TIAM1: variants seen among roughly 807,000 people sequenced by gnomAD.
TIAM1 encodes the protein TIAM Rac1 associated GEF 1.
A neutral mutation model predicts 163.5 loss-of-function variants in TIAM1; 65 were observed. That is an observed-to-expected ratio of 0.40 (90% confidence interval 0.33 to 0.49). TIAM1 has a LOEUF of 0.49. Ranked by LOEUF, TIAM1 falls within the 20% of genes least tolerant of loss-of-function variation. TIAM1 has a pLI of 0.77. For synonymous variants in TIAM1, 833 were observed against 810.1 expected (o/e 1.03, Z -0.48); for missense variants, 1,789 against 2,044.7 (o/e 0.87, Z 2.41).
chr21:31,130,434 T>C (rs578011647), intron 24 of TIAM1, 119 bp from the exon 25 acceptor site: 1 of 742,016 alleles, frequency 1.3e-6, no homozygotes, highest in East Asian at 2.5e-5. Context: ...GCCCAAAGGA[T>C]CTTCACCCCC....
intron 1 of TIAM1, among the ~76,000 whole-genome samples, chr21:31,490,067 G>A (rs983373649): frequency 7.9e-5 from 12 of 152,166 alleles, no homozygotes; most frequent in Non-Finnish European, 1.6e-4. Flanking sequence ...ACTTGTACAT[G>A]TGTTACTGTT....
chr21:31,182,822 AAGGTTCT>A (rs375772472), intron 14 of TIAM1, among the ~76,000 whole-genome samples, 177 bp from the exon 15 acceptor site: 22 of 152,276 alleles, frequency 1.4e-4, no homozygotes, highest in African/African-American at 4.6e-4. Context: ...TCAGGTTCTG[AAGGTTCT>A]AGATTTGCAG....
intron 2 of TIAM1, among the ~76,000 whole-genome samples, chr21:31,355,607 A>G (rs1020184450): frequency 1.6e-4 from 24 of 151,776 alleles, no homozygotes; most frequent in Admixed American, 1.4e-3. Flanking sequence ...GCTGGAGTGC[A>G]GTGATGTGAT....
chr21:31,549,124 G>GT (rs1376351877), intron 1 of TIAM1, among the ~76,000 whole-genome samples: 1 of 152,150 alleles, frequency 6.6e-6, no homozygotes, highest in Non-Finnish European at 1.5e-5. Context: ...GTGATTCAGA[G>GT]TTTTTTTAAG....
intron 3 of TIAM1, among the ~76,000 whole-genome samples, chr21:31,269,671 G>GTTTT (rs11350283): frequency 8.9e-5 from 11 of 124,278 alleles, no homozygotes; most frequent in Non-Finnish European, 1.7e-4. Context: ...AAGTTTGTTT[G>GTTTT]TTTTTTTTTT....
In TIAM1 at chr21:31,252,116, A is replaced by T. The variant is rs766731221; in HGVS notation, c.1037T>A (p.Leu346Gln). Residue 346 changes from leucine to glutamine, a missense_variant, in exon 5 of 28, where the codon CTG becomes CAG. Leu to Gln is a moderately radical substitution (Grantham distance 113). Transcript: ENST00000541036. ...IEGATTDTDL[L>Q]SRRSNATNSS... The stretch of plus-strand genomic sequence containing the variant: ...GTTGGTGGCATTAGATCGCCTGGAC[A>T]GGAGGTCCGTGTCGGTAGTGGCCCC... The T allele has an allele frequency of 5.6e-6, 9 of 1,613,430 alleles. No individual in the cohort carries two copies. The highest frequency in any genetic ancestry group is 7.6e-6 in the Non-Finnish European group (9 of 1,180,030).
At chr21:31,528,614 G>A (rs1225044607) in intron 1 of TIAM1, among the ~76,000 whole-genome samples, 1 of 151,772 alleles carries the variant, frequency 6.6e-6, no homozygotes, top group African/African-American at 2.4e-5. Flanking sequence ...ACCAGCCTGG[G>A]CAACATGGTG....
chr21:31,450,485 T>C lies in TIAM1; in HGVS notation c.-369+13498A>G, dbSNP rs73197609. Among the ~76,000 whole-genome samples the C allele has an allele frequency of 5.9e-3, 894 of 152,086 alleles. 5 individuals are homozygous for C. Among genetic ancestry groups the C allele is most frequent in the Non-Finnish European group, 0.011 (724 of 67,974 alleles). ...GAACAGGTGCTTTCTCTCTGCACAT[T>C]GCTTTCCTGGGCCTGGGAAAATGCA... On this transcript the variant is annotated intron_variant, in intron 2 of 28. Coordinates refer to the TIAM1 transcript ENST00000286827.
Position 31,473,429 on chromosome 21 carries a change from CAAAAAAAAAAAAAAAAAAAAAA to C in TIAM1, c.-421-9416_-421-9395del, listed in dbSNP as rs56691495. Among the ~76,000 whole-genome samples the C allele has an allele frequency of 1.4e-3, 107 of 75,732 alleles. 2 individuals are homozygous for C. The highest frequency in any genetic ancestry group is 7.9e-3 in the Middle Eastern group (1 of 126). 49.7% of individuals were successfully genotyped at this position (75,732 alleles called of 152,430 possible). On this transcript the variant is annotated intron_variant, in intron 1 of 28. Transcript: ENST00000286827. ...TGGGGGACAGATCAAGACTCCATCTCAAAAAAAAAAAAAAAAAAAAAAAAAAAAAAAAAAAAACATGGCTTAG... is the reference window on the plus strand; with the variant it reads ...TGGGGGACAGATCAAGACTCCATCTCAAAAAAAAAAAAAAACATGGCTTAG...
At chr21:31,302,110 A>G (rs1420215843) in intron 2 of TIAM1, among the ~76,000 whole-genome samples, 1 of 151,960 alleles carries the variant, frequency 6.6e-6, no homozygotes, top group Non-Finnish European at 1.5e-5. Flanking sequence ...GCCAGCCTGA[A>G]TTCTGATAAG....
intron 2 of TIAM1, among the ~76,000 whole-genome samples, chr21:31,390,947 G>C (rs2076955815): frequency 6.6e-6 from 1 of 152,156 alleles, no homozygotes; most frequent in African/African-American, 2.4e-5. Flanking sequence ...GCACATCAAA[G>C]GGACTTCTCT....
At chr21:31,424,325 C>T (rs1314634036) in intron 2 of TIAM1, among the ~76,000 whole-genome samples, 1 of 152,146 alleles carries the variant, frequency 6.6e-6, no homozygotes, top group African/African-American at 2.4e-5. Context: ...TGTGAGGAAG[C>T]TTAAGATTCA....
At chr21:31,316,720 A>G (rs746056076) in intron 2 of TIAM1, among the ~76,000 whole-genome samples, 3 of 152,198 alleles carry the variant, frequency 2.0e-5, no homozygotes, top group African/African-American at 7.2e-5. Flanking sequence ...GGCTCTGGGA[A>G]GGTGAGTCAT....
chr21:31,227,909 C>T lies in TIAM1; in HGVS notation c.1585-1959G>A, dbSNP rs577768347. ...TATCTCGTTAGGTGGGGTTATACTC[C>T]CAGCCCTTTTTTTTGAGACGGAGTC... On this transcript the variant is annotated intron_variant, in intron 6 of 27. Coordinates refer to ENST00000541036, the MANE Select transcript of TIAM1 (RefSeq NM_001353694.2). Among the ~76,000 whole-genome samples, 3 of 151,800 alleles carry T rather than the reference C, an allele frequency of 2.0e-5. No individual in the cohort carries two copies. The South Asian group carries it at 6.3e-4, about 32-fold the overall frequency.
chr21:31,296,004 G>A (rs908800051), intron 2 of TIAM1, among the ~76,000 whole-genome samples: 3 of 152,082 alleles, frequency 2.0e-5, no homozygotes, highest in African/African-American at 7.2e-5. Context: ...TCGCCATGTT[G>A]GGCAGACTGG....
intron 27 of TIAM1, among the ~76,000 whole-genome samples, chr21:31,122,763 CA>C (rs2082049971): frequency 6.6e-6 from 1 of 152,178 alleles, no homozygotes; most frequent in African/African-American, 2.4e-5. Context: ...CCTGAGTATT[CA>C]AGACAAAGCA....
intron 1 of TIAM1, among the ~76,000 whole-genome samples, chr21:31,535,719 T>C (rs1414304523): frequency 6.7e-6 from 1 of 148,186 alleles, no homozygotes; most frequent in Non-Finnish European, 1.5e-5. Context: ...ACACACTCTA[T>C]ACCTTCCCAT....
At chr21:31,203,382 C>T (rs2086300216) in intron 11 of TIAM1, among the ~76,000 whole-genome samples, 1 of 152,216 alleles carries the variant, frequency 6.6e-6, no homozygotes, top group South Asian at 2.1e-4. Context: ...CTTGGCCTCC[C>T]AAAGTGCTGG....
At chr21:31,183,311 C>T (rs534559106) in intron 14 of TIAM1, among the ~76,000 whole-genome samples, 5 of 152,260 alleles carry the variant, frequency 3.3e-5, no homozygotes, top group South Asian at 2.1e-4. Flanking sequence ...CCCAAGGGAA[C>T]GACCATGAAC....
Sources: allele counts gnomAD v4.1 joint callset (sites outside exome capture counted in the v4.1 genomes callset), GRCh38; gene constraint gnomAD v4.1.1; transcripts MANE v1.5; gene names NCBI Gene and HGNC (gene_info 2026-07-23, HGNC 2026-07-21).